The following RAD51B variants were observed in gnomAD, a reference collection of about 807,000 sequenced individuals.
RAD51B encodes the protein RAD51 paralog B, also known as DNA repair protein RAD51 homolog 2.
RAD51B carries 38 observed loss-of-function variants against 42.2 expected under a neutral mutation model. The ratio of observed to expected loss-of-function variants is 0.90; its 90% confidence interval spans 0.70 to 1.18. RAD51B has a LOEUF of 1.18. Among genes scored for constraint, RAD51B ranks in the 50% most tolerant of loss-of-function variants. The pLI is 0.00. For missense variants in RAD51B, 373 were observed against 400.7 expected, an observed-to-expected ratio of 0.93 and a Z score of 0.59; for synonymous variants, 154 against 145.2, an observed-to-expected ratio of 1.06 and a Z score of -0.43.
intron 8 of RAD51B, among the ~76,000 whole-genome samples, chr14:68,303,983 A>G (rs2081804224): frequency 1.3e-5 from 2 of 152,200 alleles, no homozygotes; most frequent in African/African-American, 4.8e-5. Flanking sequence ...CAGCCTGGAC[A>G]ACATGGCGAA....
In RAD51B at chr14:68,648,020, T is replaced by TAC. The variant is rs1555434101; in HGVS notation, c.1037-2760_1037-2759dup. Among the ~76,000 whole-genome samples the TAC allele has an allele frequency of 9.9e-5, 9 of 91,204 alleles. 1 individual carries two copies. In the South Asian group the frequency reaches 1.0e-3, roughly 10 times the overall value. 59.8% of individuals were successfully genotyped at this position (91,204 alleles called of 152,430 possible). ...AAAATTGAGCATATATATATATATATACGTATATATATATATACACACGTA... is the reference window on the plus strand; with the variant it reads ...AAAATTGAGCATATATATATATATATACACGTATATATATATATACACACGTA... On this transcript the variant is annotated intron_variant, in intron 10 of 11. Transcript: ENST00000488612.
chr14:68,554,048 T>C (rs761539016), intron 10 of RAD51B, among the ~76,000 whole-genome samples: 12 of 152,134 alleles, frequency 7.9e-5, no homozygotes, highest in Non-Finnish European at 1.6e-4. Flanking sequence ...ATAAGTCCAA[T>C]CTCATAGGGT....
chr14:68,138,434 C>T (rs777238006), intron 7 of RAD51B, among the ~76,000 whole-genome samples: 2 of 152,050 alleles, frequency 1.3e-5, no homozygotes, highest in Non-Finnish European at 2.9e-5. Context: ...GGGCAATTAC[C>T]AAAGAACTTT....
chr14:68,481,825 A>G (rs1883200742), downstream of RAD51B, among the ~76,000 whole-genome samples: 1 of 152,196 alleles, frequency 6.6e-6, no homozygotes, highest in Non-Finnish European at 1.5e-5. Context: ...CTACACACAC[A>G]ATAGTAAAGA....
At chr14:67,888,925 A>G (rs2043140406) in intron 7 of RAD51B, among the ~76,000 whole-genome samples, 1 of 152,086 alleles carries the variant, frequency 6.6e-6, no homozygotes, top group South Asian at 2.1e-4. Flanking sequence ...CTGTTGCTTG[A>G]CTTAATTCCG....
In RAD51B at chr14:68,389,740, C is replaced by T. The variant is rs375372163; in HGVS notation, c.854-21684C>T. Among the ~76,000 whole-genome samples the T allele has an allele frequency of 5.1e-4, 77 of 152,214 alleles. 4 individuals are homozygous for T. In the South Asian group the frequency reaches 0.016, roughly 31 times the overall value. ...AGTAGAAAATTATTTTTTAAGTACC[C>T]ATAAGTATTTATATTAATCATTTTG... On this transcript the variant is annotated intron_variant, in intron 8 of 10. Transcript: ENST00000471583.
intron 8 of RAD51B, among the ~76,000 whole-genome samples, chr14:68,309,597 A>G (rs972313318): frequency 6.6e-6 from 1 of 152,206 alleles, no homozygotes. Flanking sequence ...ATTTTGGGAG[A>G]TGAAAATCAC....
chr14:68,057,165 A>G (rs374149341), intron 7 of RAD51B, among the ~76,000 whole-genome samples: 1 of 152,112 alleles, frequency 6.6e-6, no homozygotes, highest in Non-Finnish European at 1.5e-5. Flanking sequence ...TGAATGTTCC[A>G]AATGATAGTA....
At chr14:67,961,692 C>G (rs1395853557) in intron 7 of RAD51B, among the ~76,000 whole-genome samples, 1 of 152,108 alleles carries the variant, frequency 6.6e-6, no homozygotes, top group Non-Finnish European at 1.5e-5. Context: ...CTTGCTTAGA[C>G]AAATCATTTC....
At chr14:68,311,002 G>A (rs202003539) in intron 8 of RAD51B, among the ~76,000 whole-genome samples, 3 of 152,030 alleles carry the variant, frequency 2.0e-5, no homozygotes, top group African/African-American at 4.8e-5. Flanking sequence ...TCTCCAGAAC[G>A]TTTTTGTGAG....
At chr14:68,205,518 A>G (rs956559846) in intron 7 of RAD51B, among the ~76,000 whole-genome samples, 8 of 152,204 alleles carry the variant, frequency 5.3e-5, no homozygotes, top group African/African-American at 1.9e-4. Context: ...TAATAAAGCC[A>G]ATAAAAGATA....
intron 7 of RAD51B, among the ~76,000 whole-genome samples, chr14:68,096,931 A>G (rs2077205959): frequency 1.3e-5 from 2 of 152,242 alleles, no homozygotes; most frequent in Non-Finnish European, 2.9e-5. Context: ...GCCAAAAATC[A>G]TTATGCTGGT....
Position 67,868,243 on chromosome 14 carries a change from C to T in RAD51B, c.452+3104C>T, listed in dbSNP as rs991691265. On this transcript the variant is annotated intron_variant, in intron 5 of 10. Coordinates refer to ENST00000471583, the MANE Select transcript of RAD51B (RefSeq NM_133510.4). ...GTGGGTGCCCGCACCACATGCAAGC[C>T]GAAGCAGGGCGAGGCATTGCCTCAC... is the stretch of plus-strand genomic sequence containing the variant. Among the ~76,000 whole-genome samples the T allele has an allele frequency of 5.3e-5, 8 of 151,958 alleles. No homozygotes were observed. In the East Asian group the frequency reaches 5.8e-4, roughly 11 times the overall value.
rs111771849 is a variant in RAD51B, at chr14:68,269,409, G to A, written c.757-22475G>A. ...ATTCCAGCCATGCTGATCTACTCTG[G>A]GTTCCCAGGGCATCGTAAGCATCTT... On this transcript the variant is annotated intron_variant, in intron 7 of 10. Transcript: ENST00000471583. Among the ~76,000 whole-genome samples the A allele has an allele frequency of 5.3e-3, 812 of 152,196 alleles. 8 individuals carry two copies. The highest frequency in any genetic ancestry group is 0.01 in the Middle Eastern group (3 of 294).
intron 7 of RAD51B, among the ~76,000 whole-genome samples, chr14:68,117,205 T>C (rs1000056754): frequency 6.6e-6 from 1 of 152,196 alleles, no homozygotes; most frequent in Non-Finnish European, 1.5e-5. Context: ...TAATTGTTTA[T>C]ATATATTCAT....
intron 7 of RAD51B, among the ~76,000 whole-genome samples, chr14:67,996,267 G>A (rs1289733438): frequency 6.6e-6 from 1 of 151,772 alleles, no homozygotes; most frequent in African/African-American, 2.4e-5. Context: ...GTAATGGTGT[G>A]CCCCTTTGGT....
At chr14:67,971,467 T>C (rs2074896549) in intron 7 of RAD51B, among the ~76,000 whole-genome samples, 1 of 152,154 alleles carries the variant, frequency 6.6e-6, no homozygotes. Context: ...ACTTGCTTTG[T>C]ATCTGTTGTT....
At chr14:68,530,324 A>G (rs1269873841) in intron 10 of RAD51B, among the ~76,000 whole-genome samples, 6 of 151,484 alleles carry the variant, frequency 4.0e-5, no homozygotes, top group Non-Finnish European at 5.9e-5. Context: ...GCATGCACCT[A>G]TAGTCCCAGC....
At chr14:68,242,616 T>C (rs996505598) in intron 7 of RAD51B, among the ~76,000 whole-genome samples, 3 of 152,216 alleles carry the variant, frequency 2.0e-5, no homozygotes, top group African/African-American at 7.2e-5. Context: ...TTCAAGTACC[T>C]GCTAAGTGTT....
Sources: gnomAD v4.1 joint callset for allele counts (sites outside exome capture counted in the v4.1 genomes callset) on GRCh38, gnomAD v4.1.1 for gene constraint, MANE v1.5 for transcripts, NCBI Gene and HGNC (gene_info 2026-07-23, HGNC 2026-07-21) for gene names.